Variants in PLD5 observed in about 807,000 individuals in gnomAD.
PLD5 encodes the protein phospholipase D family member 5.
A neutral mutation model predicts 61.1 loss-of-function variants in PLD5; 36 were observed. The ratio of observed to expected loss-of-function variants is 0.59; its 90% CI spans 0.45 to 0.78. PLD5 has a LOEUF of 0.78. PLD5 is among the 30% of genes least tolerant of loss of function. The pLI is 0.00. For synonymous variants in PLD5, 243 were observed against 242.8 expected (o/e 1.00, Z -0.01); for missense variants, 515 against 644.4 (o/e 0.80, Z 2.17).
chr1:242,162,841 G>A (rs973008600), intron 5 of PLD5, among the ~76,000 whole-genome samples: 1 of 152,074 alleles, frequency 6.6e-6, no homozygotes, highest in Non-Finnish European at 1.5e-5. Context: ...ATTATTCTTA[G>A]GTTAGAAATA....
chr1:242,444,702 T>C (rs1280755839), intron 1 of PLD5, among the ~76,000 whole-genome samples: 4 of 400 alleles, frequency 0.01, no homozygotes, highest in Middle Eastern at 0.25. Flanking sequence ...TATATAAATA[T>C]TATATTATAT....
chr1:242,314,810 T>C (rs1676907466), intron 2 of PLD5, among the ~76,000 whole-genome samples: 2 of 152,108 alleles, frequency 1.3e-5, no homozygotes, highest in Non-Finnish European at 2.9e-5. Context: ...AATTTAACTC[T>C]GATCACAAGC....
chr1:242,368,691 C>T (rs1324668511), intron 1 of PLD5, among the ~76,000 whole-genome samples: 1 of 152,134 alleles, frequency 6.6e-6, no homozygotes, highest in Admixed American at 6.5e-5. Context: ...TCTTACTGTA[C>T]ATGTGCTAAC....
At chr1:242,090,821 C>T (rs993926312) in intron 9 of PLD5, among the ~76,000 whole-genome samples, 4 of 152,238 alleles carry the variant, frequency 2.6e-5, no homozygotes, top group African/African-American at 9.6e-5. Flanking sequence ...GGGTTGATTC[C>T]TTCTGAGAAC....
intron 2 of PLD5, among the ~76,000 whole-genome samples, chr1:242,293,317 T>A (rs1402542943): frequency 1.3e-5 from 2 of 152,194 alleles, no homozygotes; most frequent in Admixed American, 1.3e-4. Flanking sequence ...GTAGTCTTCC[T>A]TACCCTTTCT....
chr1:242,507,994 G>GTTT (rs34331301), intron 1 of PLD5, among the ~76,000 whole-genome samples: 3,711 of 147,512 alleles, frequency 0.025, 159 homozygotes, highest in African/African-American at 0.087. Flanking sequence ...TTTTTAATCT[G>GTTT]TTTTTTTTTT....
chr1:242,423,641 A>T (rs944317713), intron 1 of PLD5, among the ~76,000 whole-genome samples: 4 of 152,110 alleles, frequency 2.6e-5, no homozygotes, highest in African/African-American at 4.8e-5. Flanking sequence ...GTCTTTATTT[A>T]AAAAAATGAG....
chr1:242,394,877 T>C (rs528350135), intron 1 of PLD5, among the ~76,000 whole-genome samples: 1 of 115,626 alleles, frequency 8.6e-6, no homozygotes, highest in African/African-American at 3.3e-5. Flanking sequence ...TGAATATATA[T>C]GAATATATGT....
intron 1 of PLD5, among the ~76,000 whole-genome samples, chr1:242,350,983 C>T (rs1447832360): frequency 4.0e-5 from 6 of 151,514 alleles, no homozygotes. Context: ...CTCACCGCAA[C>T]CTCTACCTCC....
At position 242,104,297 on chromosome 1, in the gene PLD5, C is replaced by CTTTT. The variant is rs368132707; in HGVS notation, c.1239+3370_1239+3373dup. ...CACCACCACACCTGGCTAGTTTTTG[C>CTTTT]TTTTTTTTTTTTTTTTTGTAGAAAT... is the stretch of plus-strand genomic sequence containing the variant. On this transcript the variant is annotated intron_variant, in intron 8 of 9. Transcript: ENST00000536534. Among the ~76,000 whole-genome samples the CTTTT allele has an allele frequency of 1.9e-3, 244 of 129,552 alleles. 3 individuals are homozygous for CTTTT. Among genetic ancestry groups the CTTTT allele is most frequent in the African/African-American group, 6.7e-3 (233 of 34,778 alleles). The allele number at this position is 129,552 out of a possible 152,430, so 85.0% of individuals were successfully genotyped here. A position where few individuals can be genotyped will look rare whatever the true frequency, so the allele number is the denominator to read the frequency against.
At chr1:242,489,245 G>T (rs754267629) in intron 1 of PLD5, among the ~76,000 whole-genome samples, 1 of 152,178 alleles carries the variant, frequency 6.6e-6, no homozygotes, top group East Asian at 1.9e-4. Context: ...TCCATCATCC[G>T]TCCCTTTTTG....
chr1:242,504,265 G>A (rs1668651300), intron 1 of PLD5, among the ~76,000 whole-genome samples: 1 of 152,128 alleles, frequency 6.6e-6, no homozygotes, highest in Admixed American at 6.6e-5. Context: ...CATCATTCTG[G>A]TCCTTAGAGT....
intron 1 of PLD5, among the ~76,000 whole-genome samples, chr1:242,479,054 A>G (rs541524605): frequency 6.6e-6 from 1 of 152,356 alleles, no homozygotes; most frequent in East Asian, 1.9e-4. Flanking sequence ...CTGTGCTAAA[A>G]TTGATCTCAT....
rs922384025 is a variant in PLD5 at position 242,256,396 on chromosome 1, A to G, written c.607+8941T>C. ...CTGATTTGAATGTCCCTCAAGAATCATTCGTTTAAACGTAATTCCCACTGT... is the reference window on the plus strand; with the variant it reads ...CTGATTTGAATGTCCCTCAAGAATCGTTCGTTTAAACGTAATTCCCACTGT... On this transcript the variant is annotated intron_variant, in intron 4 of 9. Transcript: ENST00000536534. This position sits in a 1 kb window ranked among gnomAD's most constrained non-coding sequence, Gnocchi z 5.7. 1.3e-5 allele frequency among the ~76,000 whole-genome samples: 2 copies of G among 152,254 alleles called. No homozygotes were observed. The highest frequency in any genetic ancestry group is 2.9e-5 in the Non-Finnish European group (2 of 68,046).
chr1:242,339,303 A>T (rs1390705506), intron 2 of PLD5, among the ~76,000 whole-genome samples: 1 of 152,168 alleles, frequency 6.6e-6, no homozygotes, highest in Non-Finnish European at 1.5e-5. Flanking sequence ...GGAACTTTTG[A>T]TCTATTCAGG....
At chr1:242,093,115 A>G (rs1659965550) in intron 9 of PLD5, among the ~76,000 whole-genome samples, 1 of 152,182 alleles carries the variant, frequency 6.6e-6, no homozygotes, top group African/African-American at 2.4e-5. Flanking sequence ...CAAGTGGTAC[A>G]TAATACTGTG....
At chr1:242,163,850 A>G (rs1373672865) in intron 5 of PLD5, among the ~76,000 whole-genome samples, 1 of 152,176 alleles carries the variant, frequency 6.6e-6, no homozygotes, top group East Asian at 1.9e-4. Context: ...CAGTCTCTTC[A>G]CTGGAGAAAG....
chr1:242,517,921 C>A (rs1669157251), intron 1 of PLD5, among the ~76,000 whole-genome samples: 1 of 152,060 alleles, frequency 6.6e-6, no homozygotes. Flanking sequence ...TGAGTCCCAT[C>A]CTCTCAAATT....
chr1:242,242,008 T>TAC lies in PLD5; in HGVS notation c.608-21894_608-21893insGT, dbSNP rs1472890539. Among the ~76,000 whole-genome samples the TAC allele has an allele frequency of 3.9e-5, 5 of 127,698 alleles. No individual in the cohort carries two copies. In the Admixed American group the frequency reaches 4.0e-4, roughly 10 times the overall value. 83.8% of individuals were successfully genotyped at this position (127,698 alleles called of 152,430 possible). On this transcript the variant is annotated intron_variant, in intron 4 of 9. Transcript: ENST00000536534. Reference sequence around the variant, plus strand: ...TATACTTACTATATATATATATATATATAGACACACACACACACACACACA... The same window carrying TAC: ...TATACTTACTATATATATATATATATACATAGACACACACACACACACACACA...
Sources: gnomAD v4.1 joint callset for allele counts (sites outside exome capture counted in the v4.1 genomes callset) on GRCh38, gnomAD v4.1.1 for gene constraint, Gnocchi (gnomAD v3.1) non-coding constraint, MANE v1.5 for transcripts, NCBI Gene and HGNC (gene_info 2026-07-23, HGNC 2026-07-21) for gene names.